TENM2: variants seen among roughly 807,000 people sequenced by gnomAD.
TENM2 encodes teneurin-2.
In TENM2, 52 loss-of-function variants were observed where a neutral mutation model predicts 245.2. The ratio of observed to expected loss-of-function variants is 0.21; its 90% CI spans 0.17 to 0.27. The LOEUF is 0.27. TENM2 is among the 10% of genes least tolerant of loss of function. TENM2 has a pLI of 1.00. For missense variants in TENM2, 3,046 were observed against 3,666.8 expected (o/e 0.83, Z 4.37); for synonymous variants, 1,363 against 1,438.9 (o/e 0.95, Z 1.19).
chr5:167,740,544 A>C (rs1761109814), intron 2 of TENM2, among the ~76,000 whole-genome samples: 1 of 151,972 alleles, frequency 6.6e-6, no homozygotes, highest in South Asian at 2.1e-4. Context: ...GCTTTATATC[A>C]TGGCTCAGCC....
At chr5:167,173,527 G>T in the TENM2 span, among the ~76,000 whole-genome samples, 1 of 152,164 alleles carries the variant, frequency 6.6e-6, no homozygotes, top group Non-Finnish European at 1.5e-5. Flanking sequence ...AACTTTGTGG[G>T]CTGGAGGAAG....
intron 2 of TENM2, among the ~76,000 whole-genome samples, chr5:167,662,379 G>T (rs1755270354): frequency 6.6e-6 from 1 of 152,110 alleles, no homozygotes. Context: ...TTTAATTACT[G>T]ATAACACCCC....
chr5:167,614,905 A>C (rs1777695676), intron 2 of TENM2, among the ~76,000 whole-genome samples: 1 of 152,116 alleles, frequency 6.6e-6, no homozygotes, highest in Non-Finnish European at 1.5e-5. Flanking sequence ...CTAGAGTGTG[A>C]GAGAGGGTGA....
At chr5:168,048,795 G>A (rs1443461745) in intron 6 of TENM2, among the ~76,000 whole-genome samples, 2 of 152,164 alleles carry the variant, frequency 1.3e-5, no homozygotes, top group Non-Finnish European at 2.9e-5. Context: ...TTTTTATCCA[G>A]TCTTTAAGAA....
At chr5:168,022,437 T>C (rs1386520642) in intron 5 of TENM2, among the ~76,000 whole-genome samples, 1 of 152,234 alleles carries the variant, frequency 6.6e-6, no homozygotes, top group African/African-American at 2.4e-5. Context: ...CAAATCCTAC[T>C]GAAAGAAATC....
At chr5:167,849,924 T>G (rs538621902) in intron 2 of TENM2, among the ~76,000 whole-genome samples, 90 of 152,222 alleles carry the variant, frequency 5.9e-4, no homozygotes, top group African/African-American at 2.1e-3. Context: ...ATCCAGAAGC[T>G]CCCCAAATCC....
chr5:167,646,132 GT>G (rs893683884), intron 2 of TENM2, among the ~76,000 whole-genome samples: 2 of 127,042 alleles, frequency 1.6e-5, no homozygotes, highest in African/African-American at 2.9e-5. Context: ...GCATATATAT[GT>G]TTTTATATAT....
intron 2 of TENM2, among the ~76,000 whole-genome samples, chr5:167,752,554 A>G (rs183008201): frequency 1.8e-4 from 27 of 152,218 alleles, no homozygotes; most frequent in African/African-American, 6.5e-4. Flanking sequence ...AAACCTACCA[A>G]GCTTTACTGA....
At chr5:167,930,316 TCA>T (rs1457582767) in intron 3 of TENM2, among the ~76,000 whole-genome samples, 1 of 152,166 alleles carries the variant, frequency 6.6e-6, no homozygotes, top group Non-Finnish European at 1.5e-5. Flanking sequence ...CATAAATGTT[TCA>T]GTTTTCTATA....
At chr5:167,449,611 T>A (rs1765454139) in intron 2 of TENM2, among the ~76,000 whole-genome samples, 1 of 152,136 alleles carries the variant, frequency 6.6e-6, no homozygotes, top group Non-Finnish European at 1.5e-5. Flanking sequence ...TATAGTTTGG[T>A]GCTTTCTAAT....
At chr5:167,419,504 G>A (rs1216276966) in intron 2 of TENM2, among the ~76,000 whole-genome samples, 1 of 152,080 alleles carries the variant, frequency 6.6e-6, no homozygotes, top group African/African-American at 2.4e-5. Flanking sequence ...TTGGGCAGAT[G>A]GGTATTTAGA....
chr5:167,170,073 C>T, the TENM2 span, among the ~76,000 whole-genome samples: 1 of 152,188 alleles, frequency 6.6e-6, no homozygotes, highest in African/African-American at 2.4e-5. Context: ...CACTCCTGCT[C>T]ATGTGAAACG....
At chr5:167,406,038 A>G (rs1234075935) in intron 2 of TENM2, among the ~76,000 whole-genome samples, 1 of 152,084 alleles carries the variant, frequency 6.6e-6, no homozygotes, top group Non-Finnish European at 1.5e-5. Context: ...AGGGCCTCTT[A>G]GAGCAGTCAG....
At chr5:167,374,713 C>T (rs952825407) in intron 1 of TENM2, among the ~76,000 whole-genome samples, 3 of 152,038 alleles carry the variant, frequency 2.0e-5, no homozygotes, top group African/African-American at 4.8e-5. Flanking sequence ...CCAGGTATTG[C>T]GACCATCAAG....
rs938749825 is a variant in TENM2 at position 168,247,418 on chromosome 5, T to C, written c.6479T>C (p.Ile2160Thr). The C allele has an allele frequency of 2.5e-6, 4 of 1,613,806 alleles. No homozygotes were observed. Among genetic ancestry groups the C allele is most frequent in the Admixed American group, 1.7e-5 (1 of 60,002 alleles). ...AAACACTTCGACACCCATGGGCGGA[T>C]CAAGGAGGTCCAGTATGAGATGTTC... is the stretch of plus-strand genomic sequence containing the variant. Residue 2160 changes from isoleucine (I) to threonine (T), a missense_variant, in exon 27 of 29, where the codon ATC becomes ACC. Ile to Thr is a moderately conservative substitution (Grantham distance 89). Transcript: ENST00000518659. This position sits in a 1 kb window ranked among gnomAD's most constrained non-coding sequence, Gnocchi z 7.8.
intron 2 of TENM2, among the ~76,000 whole-genome samples, chr5:167,618,869 T>G (rs2127765591): frequency 6.6e-6 from 1 of 152,282 alleles, no homozygotes; most frequent in Non-Finnish European, 1.5e-5. Context: ...AAAAAGAGTT[T>G]CTATACTAGG....
chr5:167,513,399 G>A (rs1770103467), intron 2 of TENM2, among the ~76,000 whole-genome samples: 1 of 152,134 alleles, frequency 6.6e-6, no homozygotes, highest in Admixed American at 6.6e-5. Flanking sequence ...CGCTGAAACT[G>A]GAGTAACGAA....
exon 19 of TENM2, chr5:168,204,496 A>G (rs1302417813): frequency 2.5e-6 from 4 of 1,613,906 alleles, no homozygotes; most frequent in East Asian, 2.2e-5. Flanking sequence ...GCCTTGCTGA[A>G]GGCAACAAGC....
At chr5:167,767,697 C>A (rs1763125594) in intron 2 of TENM2, among the ~76,000 whole-genome samples, 2 of 152,182 alleles carry the variant, frequency 1.3e-5, no homozygotes, top group Admixed American at 1.3e-4. Context: ...AATAGAGAGG[C>A]AGAGAATCTC....
Sources: gnomAD v4.1 joint callset for allele counts (sites outside exome capture counted in the v4.1 genomes callset) on GRCh38, gnomAD v4.1.1 for gene constraint, Gnocchi (gnomAD v3.1) non-coding constraint, MANE v1.5 for transcripts, NCBI Gene and HGNC (gene_info 2026-07-23, HGNC 2026-07-21) for gene names.